ZNF75D: variants seen among roughly 807,000 people sequenced by gnomAD.
The protein encoded by ZNF75D is zinc finger protein 75D, also known as zinc finger protein 75.
Under a neutral mutation model 33.3 loss-of-function variants are expected in ZNF75D, and 33 were observed. That is an observed-to-expected ratio of 0.99 (90% confidence interval 0.75 to 1.32). ZNF75D has a LOEUF of 1.32. ZNF75D is among the 40% of genes most tolerant of loss of function. The probability of loss-of-function intolerance (pLI) is 0.00; values close to 1 mark genes in which losing one functional copy is unlikely to be tolerated. For synonymous variants in ZNF75D, 113 were observed against 130.6 expected, an observed-to-expected ratio of 0.87 and a Z score of 0.92; for missense variants, 338 against 367.5, an observed-to-expected ratio of 0.92 and a Z score of 0.66.
intron 1 of ZNF75D, among the ~76,000 whole-genome samples, chrX:135,276,912 T>A (rs2083901221): frequency 8.9e-6 from 1 of 112,155 alleles, no homozygotes; most frequent in South Asian, 3.7e-4. Context: ...TTGGGTTGGT[T>A]CCAAGTCTTT....
intron 1 of ZNF75D, chrX:135,330,278 C>G (rs12686962): frequency 0.25 from 28,128 of 110,329 alleles, 2,839 homozygotes; most frequent in South Asian, 0.44. Flanking sequence ...TATGGGTGTG[C>G]GTGTGTGGGG....
intron 1 of ZNF75D, among the ~76,000 whole-genome samples, chrX:135,340,142 T>C (rs1324857900): frequency 8.9e-6 from 1 of 112,709 alleles, no homozygotes; most frequent in Non-Finnish European, 1.9e-5. Flanking sequence ...GGTCTTGTTT[T>C]ATGTTTTCTA....
chrX:135,316,120 A>G (rs1330105302), intron 1 of ZNF75D, among the ~76,000 whole-genome samples: 1 of 110,874 alleles, frequency 9.0e-6, no homozygotes, highest in Non-Finnish European at 1.9e-5. Context: ...AATACTTAAC[A>G]TTTTGTTTTC....
intron 1 of ZNF75D, among the ~76,000 whole-genome samples, chrX:135,272,531 G>A (rs2083886690): frequency 9.0e-6 from 1 of 110,709 alleles, no homozygotes; most frequent in African/African-American, 3.3e-5. Context: ...AGACTGAACA[G>A]TAACCCAGAA....
chrX:135,339,035 A>C (rs1458929735), intron 1 of ZNF75D, among the ~76,000 whole-genome samples: 2 of 106,986 alleles, frequency 1.9e-5, no homozygotes, highest in African/African-American at 6.9e-5. Context: ...CTTCTCCTTC[A>C]ACTCCTCTTC....
At chrX:135,296,896 T>G (rs1556423141) in intron 1 of ZNF75D, 1 of 112,399 alleles carries the variant, frequency 8.9e-6, no homozygotes. Flanking sequence ...CTTTTTCTAC[T>G]ACATTATGCT....
intron 1 of ZNF75D, among the ~76,000 whole-genome samples, chrX:135,340,980 G>C (rs1556444584): frequency 1.8e-5 from 2 of 111,786 alleles, no homozygotes; most frequent in African/African-American, 6.5e-5. Flanking sequence ...TACTGTAATG[G>C]GCAGCAGATT....
intron 1 of ZNF75D, chrX:135,330,827 T>C (rs1167120245): frequency 3.6e-5 from 4 of 112,433 alleles, no homozygotes; most frequent in African/African-American, 1.3e-4. Context: ...GGGGATTCTA[T>C]TCATTCTAAA....
At chrX:135,329,501 C>T (rs781963619) in intron 1 of ZNF75D, among the ~76,000 whole-genome samples, 7 of 112,074 alleles carry the variant, frequency 6.2e-5, no homozygotes, top group Non-Finnish European at 1.1e-4. Context: ...TGTTCTCAAA[C>T]GCCTGAGCCC....
At chrX:135,302,373 A>T (rs1312806042) in intron 1 of ZNF75D, among the ~76,000 whole-genome samples, 1 of 112,121 alleles carries the variant, frequency 8.9e-6, no homozygotes, top group African/African-American at 3.2e-5. Context: ...AGCTGTAGTT[A>T]TGGCTTGTGG....
chrX:135,285,779 G>C (rs781857956), downstream of ZNF75D: 1 of 111,636 alleles, frequency 9.0e-6, no homozygotes, highest in African/African-American at 3.3e-5. Context: ...GCAAACATTG[G>C]CCATTTCTGA....
chrX:135,324,465 T>C (rs1052873688), intron 1 of ZNF75D, among the ~76,000 whole-genome samples: 6 of 112,898 alleles, frequency 5.3e-5, no homozygotes, highest in Non-Finnish European at 1.1e-4. Context: ...CAGTATACAA[T>C]TATACTTTAA....
Position 135,293,851 on chromosome X carries a change from A to T in ZNF75D, c.290T>A (p.Phe97Tyr). ...GGTCTCCTTGGGCAGAATGCTCAGG[A>T]ACTGCTCTAACACCAGCATTTCCAA... ...QILEMLVLEQ[F>Y]LSILPKETQN... The change falls in exon 3 of 7, where the codon TTC (phenylalanine) becomes TAC (tyrosine). Residue 97 changes from phenylalanine (F) to tyrosine (Y), a missense_variant. Physicochemically the swap from Phe to Tyr is conservative, Grantham distance 22. Transcript: ENST00000370766. 1 of 1,211,375 alleles carries T rather than the reference A, an allele frequency of 8.3e-7. No homozygotes were observed. The highest frequency in any genetic ancestry group is 1.1e-6 in the Non-Finnish European group (1 of 895,099).
At chrX:135,333,543 C>T (rs2084675900) in intron 1 of ZNF75D, among the ~76,000 whole-genome samples, 1 of 112,068 alleles carries the variant, frequency 8.9e-6, no homozygotes, top group Admixed American at 9.4e-5. Context: ...CTTTGCCTAG[C>T]ACAGGGTACC....
chrX:135,279,887 A>G (rs781796479), intron 1 of ZNF75D, among the ~76,000 whole-genome samples: 97 of 111,729 alleles, frequency 8.7e-4, no homozygotes, highest in Middle Eastern at 9.3e-3. Context: ...TTTACTGAGG[A>G]GTATTTTACT....
At chrX:135,273,221 C>T (rs4465122) in intron 1 of ZNF75D, among the ~76,000 whole-genome samples, 23,189 of 110,448 alleles carry the variant, frequency 0.21, 2,032 homozygotes, top group Middle Eastern at 0.38. Context: ...TGATGGGCAG[C>T]GCCTAAACAT....
At chrX:135,326,651 G>A (rs997068829) in intron 1 of ZNF75D, among the ~76,000 whole-genome samples, 1 of 111,825 alleles carries the variant, frequency 8.9e-6, no homozygotes, top group Admixed American at 9.4e-5. Context: ...CACTCTTTGG[G>A]TCCACACTGC....
intron 1 of ZNF75D, among the ~76,000 whole-genome samples, chrX:135,340,552 T>C (rs372788511): frequency 1.1e-4 from 12 of 111,929 alleles, no homozygotes; most frequent in East Asian, 8.3e-4. Context: ...ATAAGTGAAT[T>C]CAGAAGAACA....
At chrX:135,282,435 G>T (rs1237598624), downstream of ZNF75D, among the ~76,000 whole-genome samples, 1 of 111,733 alleles carries the variant, frequency 8.9e-6, no homozygotes, top group Non-Finnish European at 1.9e-5. Flanking sequence ...GCTCCGTGGG[G>T]TTGGATCCAA....
Sources: allele counts gnomAD v4.1 joint callset (sites outside exome capture counted in the v4.1 genomes callset), GRCh38; gene constraint gnomAD v4.1.1; transcripts MANE v1.5; gene names NCBI Gene and HGNC (gene_info 2026-07-23, HGNC 2026-07-21).